The following CNTN4 variants were observed in gnomAD, a reference collection of about 807,000 sequenced individuals.
CNTN4 encodes contactin 4, also known as contactin-4.
In CNTN4, 77 loss-of-function variants were observed where a neutral mutation model predicts 122.5. The ratio of observed to expected loss-of-function variants is 0.63; its 90% confidence interval spans 0.52 to 0.76. CNTN4 has a LOEUF of 0.76. Ranked by LOEUF, CNTN4 falls within the 30% of genes least tolerant of loss-of-function variation. CNTN4 has a pLI of 0.00. For missense variants in CNTN4, 1,256 were observed against 1,259.1 expected (o/e 1.00, Z 0.04); for synonymous variants, 512 against 447.0 (o/e 1.15, Z -1.83).
At chr3:2,922,608 A>ATTTTTTTT (rs547782541) in intron 12 of CNTN4, among the ~76,000 whole-genome samples, 23 of 109,994 alleles carry the variant, frequency 2.1e-4, no homozygotes, top group Non-Finnish European at 3.0e-4. Flanking sequence ...AAAGAACTTG[A>ATTTTTTTT]TTTTTTTTTT....
intron 2 of CNTN4, among the ~76,000 whole-genome samples, chr3:2,258,431 T>C (rs1472592608): frequency 6.6e-6 from 1 of 152,198 alleles, no homozygotes; most frequent in African/African-American, 2.4e-5. Flanking sequence ...TATTTTTTTT[T>C]CTGTCTCAAT....
intron 4 of CNTN4, among the ~76,000 whole-genome samples, chr3:2,679,114 A>G (rs1259058635): frequency 2.0e-5 from 3 of 152,300 alleles, no homozygotes; most frequent in East Asian, 3.9e-4. Context: ...CATCTTAATC[A>G]GCCGTTTTCC....
At chr3:3,050,408 G>C (rs1701139169) in intron 23 of CNTN4, among the ~76,000 whole-genome samples, 1 of 152,144 alleles carries the variant, frequency 6.6e-6, no homozygotes, top group Non-Finnish European at 1.5e-5. Flanking sequence ...ACAGATGCCA[G>C]AGAGGGAAAG....
chr3:2,626,218 G>GTGTC (rs1434864695), intron 4 of CNTN4, among the ~76,000 whole-genome samples: 1 of 152,058 alleles, frequency 6.6e-6, no homozygotes, highest in East Asian at 1.9e-4. Flanking sequence ...CTTTATGATT[G>GTGTC]TACTTTGTGT....
intron 3 of CNTN4, among the ~76,000 whole-genome samples, chr3:2,557,734 G>C (rs1341963003): frequency 6.9e-6 from 1 of 145,882 alleles, no homozygotes; most frequent in Non-Finnish European, 1.5e-5. Context: ...CTGGGCAACA[G>C]AGCAAGATTC....
At chr3:2,764,543 A>G (rs991117282) in intron 6 of CNTN4, among the ~76,000 whole-genome samples, 1 of 152,172 alleles carries the variant, frequency 6.6e-6, no homozygotes, top group Non-Finnish European at 1.5e-5. Context: ...AGAAAAGGGA[A>G]GAGAGTTTGT....
At chr3:2,166,809 A>G (rs62246968) in intron 2 of CNTN4, among the ~76,000 whole-genome samples, 11,534 of 152,168 alleles carry the variant, frequency 0.076, 529 homozygotes, top group Non-Finnish European at 0.11. Flanking sequence ...CATTACTTAC[A>G]TATGCTTATA....
chr3:2,333,203 C>G (rs1406471310), intron 2 of CNTN4, among the ~76,000 whole-genome samples: 1 of 152,190 alleles, frequency 6.6e-6, no homozygotes. Context: ...TCATAGATCC[C>G]TAGGCTCTTA....
chr3:2,948,289 C>G (rs1320062484), intron 13 of CNTN4, among the ~76,000 whole-genome samples: 1 of 152,088 alleles, frequency 6.6e-6, no homozygotes, highest in Non-Finnish European at 1.5e-5. Flanking sequence ...GATCTACAAA[C>G]CTACAATACG....
At chr3:2,166,509 A>G (rs530092996) in intron 2 of CNTN4, among the ~76,000 whole-genome samples, 211 of 152,080 alleles carry the variant, frequency 1.4e-3, no homozygotes, top group African/African-American at 4.8e-3. Flanking sequence ...ACCTGAGAGT[A>G]ATGAGTTCAG....
At chr3:2,718,375 C>A (rs766079927) in intron 4 of CNTN4, among the ~76,000 whole-genome samples, 2 of 151,840 alleles carry the variant, frequency 1.3e-5, no homozygotes, top group Non-Finnish European at 2.9e-5. Context: ...GATATTTTGC[C>A]CAGAGTAGAA....
intron 20 of CNTN4, chr3:3,040,524 C>T (rs1700060760): frequency 1.9e-6 from 1 of 531,744 alleles, no homozygotes; most frequent in South Asian, 2.1e-5. Flanking sequence ...TTGCAAATAC[C>T]ATATAAGATC....
intron 8 of CNTN4, 28 bp downstream of exon 8, chr3:2,866,977 T>G (rs779384838): frequency 4.4e-6 from 7 of 1,591,452 alleles, no homozygotes; most frequent in Non-Finnish European, 6.0e-6. Flanking sequence ...TTTGTTAATT[T>G]TGTTTCTGCA....
chr3:2,534,837 T>C (rs55912957), intron 3 of CNTN4, among the ~76,000 whole-genome samples: 15,107 of 49,412 alleles, frequency 0.31, 2,114 homozygotes, highest in East Asian at 0.63. Flanking sequence ...GCTGCTGCTG[T>C]TGCTGTTATT....
intron 2 of CNTN4, among the ~76,000 whole-genome samples, chr3:2,321,607 A>T (rs967330803): frequency 3.3e-5 from 5 of 151,038 alleles, no homozygotes; most frequent in Admixed American, 2.0e-4. Flanking sequence ...TATCAGCTTT[A>T]AATTTATTCT....
intron 6 of CNTN4, among the ~76,000 whole-genome samples, chr3:2,755,188 G>A (rs572333645): frequency 3.9e-5 from 6 of 152,246 alleles, no homozygotes; most frequent in African/African-American, 1.4e-4. Context: ...AGTAAAATGT[G>A]CAGTCGATCA....
chr3:2,547,332 C>G (rs1575939908), intron 3 of CNTN4, among the ~76,000 whole-genome samples: 2 of 152,054 alleles, frequency 1.3e-5, no homozygotes, highest in South Asian at 4.1e-4. Flanking sequence ...GGCACGATCT[C>G]TGCACACTGC....
At chr3:2,494,605 A>G (rs1477358473) in intron 3 of CNTN4, among the ~76,000 whole-genome samples, 1 of 152,338 alleles carries the variant, frequency 6.6e-6, no homozygotes, top group Non-Finnish European at 1.5e-5. Context: ...TCTCTCCTGG[A>G]TCAGGGAAAG....
At chr3:2,586,005 T>A (rs2080187667) in intron 4 of CNTN4, among the ~76,000 whole-genome samples, 1 of 152,072 alleles carries the variant, frequency 6.6e-6, no homozygotes, top group Non-Finnish European at 1.5e-5. Flanking sequence ...ATAATTACCA[T>A]CCTCCTTCCT....
Sources: allele counts gnomAD v4.1 joint callset (sites outside exome capture counted in the v4.1 genomes callset), GRCh38; gene constraint gnomAD v4.1.1; transcripts MANE v1.5; gene names NCBI Gene and HGNC (gene_info 2026-07-23, HGNC 2026-07-21).